The following WWOX variants were observed in gnomAD, a reference collection of about 807,000 sequenced individuals.
WWOX encodes the protein WW domain containing oxidoreductase.
WWOX carries 69 observed loss-of-function variants against 46.2 expected under a neutral mutation model. That is an observed-to-expected ratio of 1.49 (90% confidence interval 1.23 to 1.82). WWOX has a LOEUF of 1.82. Among genes scored for constraint, WWOX ranks in the 40% most tolerant of loss-of-function variants. The pLI, the probability that WWOX is intolerant of heterozygous loss-of-function variation, is 0.00. For synonymous variants in WWOX, 359 were observed against 202.6 expected, an observed-to-expected ratio of 1.77 and a Z score of -6.56; for missense variants, 919 against 542.6, an observed-to-expected ratio of 1.69 and a Z score of -6.89.
intron 5 of WWOX, among the ~76,000 whole-genome samples, chr16:78,385,177 G>C (rs1170953210): frequency 8.4e-6 from 1 of 119,036 alleles, no homozygotes; most frequent in Admixed American, 7.6e-5. Flanking sequence ...ACAGGGCTTT[G>C]TTAGCAGGCA....
intron 8 of WWOX, among the ~76,000 whole-genome samples, chr16:78,714,408 G>A (rs918348950): frequency 7.2e-5 from 11 of 151,946 alleles, no homozygotes; most frequent in Admixed American, 2.0e-4. Context: ...CTTATTCACT[G>A]TCACGAGAAC....
At chr16:78,351,593 G>A (rs2081185288) in intron 5 of WWOX, among the ~76,000 whole-genome samples, 1 of 152,136 alleles carries the variant, frequency 6.6e-6, no homozygotes, top group Non-Finnish European at 1.5e-5. Context: ...CTGACTAAGC[G>A]GAGCAGATGC....
At chr16:78,729,844 C>G (rs375530606) in intron 8 of WWOX, among the ~76,000 whole-genome samples, 2 of 152,166 alleles carry the variant, frequency 1.3e-5, no homozygotes, top group East Asian at 1.9e-4. Context: ...GCAGTGCTTT[C>G]TTCCTGATAG....
intron 8 of WWOX, among the ~76,000 whole-genome samples, chr16:78,615,347 G>A (rs576006164): frequency 9.9e-5 from 15 of 152,180 alleles, no homozygotes; most frequent in African/African-American, 3.4e-4. Context: ...GTGTATAGTT[G>A]GCTAAAAAGA....
intron 6 of WWOX, among the ~76,000 whole-genome samples, chr16:78,393,163 G>C (rs762663810): frequency 6.6e-6 from 1 of 152,110 alleles, no homozygotes. Flanking sequence ...GAAGAGCTGG[G>C]ACCCTTTCTA....
At chr16:78,695,155 T>C (rs541364229) in intron 8 of WWOX, among the ~76,000 whole-genome samples, 10 of 152,298 alleles carry the variant, frequency 6.6e-5, no homozygotes, top group African/African-American at 2.4e-4. Flanking sequence ...AAATGAAATA[T>C]GAACATTTGT....
At chr16:78,571,593 G>A (rs1363641225) in intron 8 of WWOX, among the ~76,000 whole-genome samples, 3 of 152,162 alleles carry the variant, frequency 2.0e-5, no homozygotes. Flanking sequence ...AGTTGGCTGG[G>A]TGCAGTGGCT....
chr16:78,805,711 A>C (rs1442752750), intron 8 of WWOX, among the ~76,000 whole-genome samples: 3 of 152,224 alleles, frequency 2.0e-5, no homozygotes, highest in Non-Finnish European at 4.4e-5. Flanking sequence ...TGTCAAAAAT[A>C]AGTCACTGTC....
intron 6 of WWOX, among the ~76,000 whole-genome samples, chr16:78,418,956 A>C (rs1304406390): frequency 1.3e-5 from 2 of 152,210 alleles, no homozygotes; most frequent in Non-Finnish European, 2.9e-5. Context: ...TGGGCAAAAA[A>C]CAAAAAAGCA....
At chr16:78,651,005 G>A (rs1161141072) in intron 8 of WWOX, among the ~76,000 whole-genome samples, 1 of 152,232 alleles carries the variant, frequency 6.6e-6, no homozygotes, top group Non-Finnish European at 1.5e-5. Flanking sequence ...GACTGATAGA[G>A]ATTTGGCTTT....
chr16:78,689,807 A>G (rs906908223), intron 8 of WWOX, among the ~76,000 whole-genome samples: 1 of 152,160 alleles, frequency 6.6e-6, no homozygotes, highest in Non-Finnish European at 1.5e-5. Context: ...ATAATCCTGC[A>G]TAAAGTCTTC....
chr16:78,217,579 G>C (rs2036762617), intron 5 of WWOX, among the ~76,000 whole-genome samples: 1 of 152,118 alleles, frequency 6.6e-6, no homozygotes. Context: ...CAGATGCTGG[G>C]CTTCCGACCT....
intron 8 of WWOX, among the ~76,000 whole-genome samples, chr16:79,057,107 T>C (rs1489601225): frequency 4.6e-5 from 7 of 152,234 alleles, no homozygotes; most frequent in African/African-American, 1.7e-4. Context: ...TAATCTGTTA[T>C]GACTGCTTGG....
chr16:78,396,542 C>T (rs74028166), intron 6 of WWOX, among the ~76,000 whole-genome samples: 9 of 152,244 alleles, frequency 5.9e-5, no homozygotes, highest in African/African-American at 2.2e-4. Context: ...AGGGTAGATA[C>T]AATTACCCCA....
At chr16:78,254,534 C>G (rs905350132) in intron 5 of WWOX, among the ~76,000 whole-genome samples, 3 of 107,948 alleles carry the variant, frequency 2.8e-5, no homozygotes, top group African/African-American at 1.4e-4. Flanking sequence ...GACACAGGGC[C>G]TCACTCTGTG....
chr16:78,204,836 C>G (rs2036342654), intron 5 of WWOX, among the ~76,000 whole-genome samples: 1 of 152,132 alleles, frequency 6.6e-6, no homozygotes, highest in Admixed American at 6.5e-5. Context: ...AAGTTAGACC[C>G]TGTTGATTTT....
At chr16:79,168,556 C>G (rs2050639254) in intron 8 of WWOX, among the ~76,000 whole-genome samples, 1 of 152,200 alleles carries the variant, frequency 6.6e-6, no homozygotes, top group South Asian at 2.1e-4. Context: ...ACCTCTGAAG[C>G]TCCATATTAC....
intron 5 of WWOX, among the ~76,000 whole-genome samples, chr16:78,176,248 G>C (rs1371073758): frequency 6.6e-6 from 1 of 152,132 alleles, no homozygotes; most frequent in Non-Finnish European, 1.5e-5. Context: ...AGTTATTGAA[G>C]ATATTGGGAT....
At chr16:78,793,095 A>G (rs1296733347) in intron 8 of WWOX, among the ~76,000 whole-genome samples, 2 of 152,072 alleles carry the variant, frequency 1.3e-5, no homozygotes, top group African/African-American at 4.8e-5. Context: ...TTTTTTGAGA[A>G]AGGCTCTCAC....
Sources: gnomAD v4.1 joint callset for allele counts (sites outside exome capture counted in the v4.1 genomes callset) on GRCh38, gnomAD v4.1.1 for gene constraint, MANE v1.5 for transcripts, NCBI Gene and HGNC (gene_info 2026-07-23, HGNC 2026-07-21) for gene names.